ADAMTS6: variants seen among roughly 807,000 people sequenced by gnomAD.
ADAMTS6 encodes the protein A disintegrin and metalloproteinase with thrombospondin motifs 6.
In ADAMTS6, 23 loss-of-function variants were observed where a neutral mutation model predicts 144.3. That is an observed-to-expected ratio of 0.16 (90% CI 0.11 to 0.23). The LOEUF is 0.23. Ranked by LOEUF, ADAMTS6 falls within the 10% of genes least tolerant of loss-of-function variation. The probability of loss-of-function intolerance (pLI) is 1.00; values close to 1 mark genes in which losing one functional copy is unlikely to be tolerated. For missense variants in ADAMTS6, 999 were observed against 1,379.6 expected (o/e 0.72, Z 4.37); for synonymous variants, 444 against 457.5 (o/e 0.97, Z 0.38).
intron 22 of ADAMTS6, among the ~76,000 whole-genome samples, chr5:65,183,550 G>A (rs1015103622): frequency 6.6e-6 from 1 of 151,908 alleles, no homozygotes; most frequent in East Asian, 1.9e-4. Context: ...TATCGACTGG[G>A]GGTCTTGGAA....
At chr5:65,321,405 ATTTG>A (rs1322998477) in intron 9 of ADAMTS6, among the ~76,000 whole-genome samples, 2 of 151,478 alleles carry the variant, frequency 1.3e-5, no homozygotes, top group Non-Finnish European at 2.9e-5. Flanking sequence ...TTTCTTGTAA[ATTTG>A]TTTAAGTTCC....
At chr5:65,351,250 G>T (rs182835769) in intron 7 of ADAMTS6, among the ~76,000 whole-genome samples, 37 of 152,224 alleles carry the variant, frequency 2.4e-4, no homozygotes, top group African/African-American at 7.0e-4. Flanking sequence ...ACAGTCCTCT[G>T]GAAAATATAT....
At chr5:65,396,192 A>AT (rs1428262695) in intron 7 of ADAMTS6, among the ~76,000 whole-genome samples, 2 of 152,224 alleles carry the variant, frequency 1.3e-5, no homozygotes. Flanking sequence ...CTCTAAATAC[A>AT]TTTTGTACAA....
chr5:65,183,707 AT>A (rs1401346110), intron 22 of ADAMTS6, among the ~76,000 whole-genome samples: 1 of 152,180 alleles, frequency 6.6e-6, no homozygotes, highest in African/African-American at 2.4e-5. Context: ...TTACGTATGT[AT>A]AGACATGTAT....
At chr5:65,356,871 T>C (rs1432901736) in intron 7 of ADAMTS6, among the ~76,000 whole-genome samples, 1 of 151,878 alleles carries the variant, frequency 6.6e-6, no homozygotes, top group Non-Finnish European at 1.5e-5. Flanking sequence ...GCTTTCTACC[T>C]CTACTTTCCT....
At chr5:65,436,267 C>T (rs939514189) in intron 7 of ADAMTS6, among the ~76,000 whole-genome samples, 7 of 152,016 alleles carry the variant, frequency 4.6e-5, no homozygotes, top group East Asian at 3.9e-4. Flanking sequence ...GCCATAGTGG[C>T]GCGACTGCAC....
chr5:65,466,839 G>C (rs907070604), intron 3 of ADAMTS6, among the ~76,000 whole-genome samples: 1 of 152,072 alleles, frequency 6.6e-6, no homozygotes, highest in African/African-American at 2.4e-5. Flanking sequence ...TCAGGAGATC[G>C]AGACCATCCT....
At chr5:65,314,131 T>C (rs1744758358) in intron 9 of ADAMTS6, among the ~76,000 whole-genome samples, 1 of 152,180 alleles carries the variant, frequency 6.6e-6, no homozygotes, top group Middle Eastern at 3.4e-3. Context: ...GTAAACAACA[T>C]GCAAGAAGAG....
At chr5:65,337,372 T>G (rs1284817815) in intron 7 of ADAMTS6, among the ~76,000 whole-genome samples, 4 of 152,122 alleles carry the variant, frequency 2.6e-5, no homozygotes, top group Non-Finnish European at 4.4e-5. Context: ...TATTTTACCT[T>G]TTTCAATTTC....
intron 7 of ADAMTS6, among the ~76,000 whole-genome samples, chr5:65,389,457 CT>C (rs1171747056): frequency 6.6e-6 from 1 of 151,982 alleles, no homozygotes; most frequent in African/African-American, 2.4e-5. Flanking sequence ...TTTATTATGA[CT>C]TTATAATTCT....
At chr5:65,452,638 A>T in intron 5 of ADAMTS6, 69 bp downstream of exon 5, 1 of 1,540,566 alleles carries the variant, frequency 6.5e-7, no homozygotes, top group African/African-American at 1.4e-5. Flanking sequence ...TTCACAGCAA[A>T]AATTTATGAC....
At position 65,329,337 on chromosome 5, in the gene ADAMTS6, A is replaced by G. The variant is rs779057530; in HGVS notation, c.1223+41T>C. On this transcript the variant is annotated intron_variant, in intron 9 of 24. Transcript: ENST00000381055. ...CAGTAGTTACAAGTTGCTCAAGAGCAGAGTTCTAAAATTTATTTTGATTTT... is the reference window on the plus strand; with the variant it reads ...CAGTAGTTACAAGTTGCTCAAGAGCGGAGTTCTAAAATTTATTTTGATTTT... The G allele has an allele frequency of 5.0e-6, 8 of 1,584,306 alleles. No individual in the cohort carries two copies. In the Admixed American group the frequency reaches 1.4e-4, roughly 27 times the overall value.
In ADAMTS6 at chr5:65,151,292, A is replaced by G. The variant is rs1752128074; in HGVS notation, c.*544T>C. ...TACAAACTTTCATTACTTTTGATTTATAATTGCTCCTTAAATTATAGTTCA... is the reference window on the plus strand; with the variant it reads ...TACAAACTTTCATTACTTTTGATTTGTAATTGCTCCTTAAATTATAGTTCA... On this transcript the variant is annotated 3_prime_UTR_variant, in exon 25 of 25. Transcript: ENST00000381055. 1 of 152,752 alleles carries G rather than the reference A, an allele frequency of 6.5e-6. No individual in the cohort carries two copies. Among genetic ancestry groups the G allele is most frequent in the Non-Finnish European group, 1.5e-5 (1 of 68,106 alleles). 9.5% of individuals were successfully genotyped at this position (152,752 alleles called of 1,614,324 possible). A position where few individuals can be genotyped will look rare whatever the true frequency, so the allele number is the denominator to read the frequency against.
chr5:65,411,355 G>T lies in ADAMTS6; in HGVS notation c.1073+40120C>A, dbSNP rs77474770. On this transcript the variant is annotated intron_variant, in intron 7 of 24. Transcript: ENST00000381055. ...GCAGTTCTATTTTTTATTATTTGAG[G>T]AACCTTCATACTGTTTTCCATAGTG... Among the ~76,000 whole-genome samples the T allele has an allele frequency of 8.2e-3, 1,242 of 152,104 alleles. 11 individuals carry two copies. The highest frequency in any genetic ancestry group is 0.028 in the African/African-American group (1,178 of 41,474).
At chr5:65,418,935 C>G (rs145630505) in intron 7 of ADAMTS6, among the ~76,000 whole-genome samples, 1 of 152,248 alleles carries the variant, frequency 6.6e-6, no homozygotes, top group East Asian at 1.9e-4. Context: ...GAGAATGCTT[C>G]TACTCTGCTG....
intron 7 of ADAMTS6, among the ~76,000 whole-genome samples, chr5:65,438,961 C>T (rs1178749180): frequency 6.6e-6 from 1 of 152,110 alleles, no homozygotes; most frequent in Admixed American, 6.6e-5. Flanking sequence ...TCCTCTCTTC[C>T]CTATCCTCAG....
intron 9 of ADAMTS6, among the ~76,000 whole-genome samples, chr5:65,328,534 T>TA (rs58427371): frequency 4.5e-4 from 67 of 149,100 alleles, no homozygotes; most frequent in East Asian, 1.6e-3. Flanking sequence ...GCTTTCCTGC[T>TA]AAAAAAAAAA....
Position 65,197,002 on chromosome 5 carries a change from C to T in ADAMTS6, c.2705+20G>A, listed in dbSNP as rs1755430578. 6.2e-7 allele frequency: 1 copy of T among 1,600,900 alleles called. No homozygotes were observed. The highest frequency in any genetic ancestry group is 8.5e-7 in the Non-Finnish European group (1 of 1,175,540). On this transcript the variant is annotated intron_variant, in intron 21 of 24. Transcript: ENST00000381055. ...CTTTGCACCTGAAGAAAATAATTCT[C>T]ATTTCTTTCCCTTACTTACTCAGGT...
chr5:65,260,994 T>G (rs1192875445), intron 13 of ADAMTS6, among the ~76,000 whole-genome samples: 21 of 152,004 alleles, frequency 1.4e-4, no homozygotes, highest in Admixed American at 1.4e-3. Context: ...ATAGTAAAAA[T>G]CACTTATTTA....
Sources: allele counts gnomAD v4.1 joint callset (sites outside exome capture counted in the v4.1 genomes callset), GRCh38; gene constraint gnomAD v4.1.1; transcripts MANE v1.5; gene names NCBI Gene and HGNC (gene_info 2026-07-23, HGNC 2026-07-21).